CNBD1: variants seen among roughly 807,000 people sequenced by gnomAD.
CNBD1 encodes cyclic nucleotide-binding domain-containing protein 1.
A neutral mutation model predicts 54.4 loss-of-function variants in CNBD1; 71 were observed. The ratio of observed to expected loss-of-function variants is 1.30; its 90% CI spans 1.08 to 1.59. CNBD1 has a LOEUF of 1.59. Ranked by LOEUF, CNBD1 falls within the 40% of genes most tolerant of loss-of-function variation. CNBD1 has a pLI of 0.00. For missense variants in CNBD1, 659 were observed against 518.0 expected, an observed-to-expected ratio of 1.27 and a Z score of -2.64; for synonymous variants, 182 against 170.7, an observed-to-expected ratio of 1.07 and a Z score of -0.51.
chr8:86,892,817 G>A (rs1296634644), intron 2 of CNBD1, among the ~76,000 whole-genome samples: 2 of 152,044 alleles, frequency 1.3e-5, no homozygotes, highest in Non-Finnish European at 2.9e-5. Flanking sequence ...GGATGTTGGT[G>A]AGAACCTTTC....
chr8:87,129,664 A>G lies in CNBD1; in HGVS notation c.432-76329A>G, dbSNP rs567217750. On this transcript the variant is annotated intron_variant, in intron 4 of 10. Coordinates refer to ENST00000518476, the MANE Select transcript of CNBD1 (RefSeq NM_173538.3). ...ATTGGATTTAGACTTTACTTTTTTAATGTAAGCATTTAAAGATATCTATTT... is the reference window on the plus strand; with the variant it reads ...ATTGGATTTAGACTTTACTTTTTTAGTGTAAGCATTTAAAGATATCTATTT... Among the ~76,000 whole-genome samples, 6 of 152,052 alleles carry G rather than the reference A, an allele frequency of 3.9e-5. No individual in the cohort carries two copies. The South Asian group carries it at 1.2e-3, about 32-fold the overall frequency.
chr8:87,133,071 A>G (rs1302776424), intron 4 of CNBD1, among the ~76,000 whole-genome samples: 1 of 150,266 alleles, frequency 6.7e-6, no homozygotes, highest in African/African-American at 2.4e-5. Context: ...ATGATCTTAT[A>G]CTTTTTAGTT....
chr8:87,297,960 ATATATC>A (rs1808911798), intron 8 of CNBD1, among the ~76,000 whole-genome samples: 1 of 151,544 alleles, frequency 6.6e-6, no homozygotes, highest in Non-Finnish European at 1.5e-5. Flanking sequence ...TACATATTCT[ATATATC>A]TATATCTATA....
At chr8:87,171,335 G>A (rs1310924734) in intron 4 of CNBD1, among the ~76,000 whole-genome samples, 1 of 151,892 alleles carries the variant, frequency 6.6e-6, no homozygotes, top group Non-Finnish European at 1.5e-5. Flanking sequence ...AGCCACTACT[G>A]ATGCTTTGAA....
chr8:87,374,871 T>C (rs1810893499), intron 10 of CNBD1, among the ~76,000 whole-genome samples: 1 of 149,978 alleles, frequency 6.7e-6, no homozygotes. Context: ...AAATAAACAT[T>C]TGTTGAATTA....
intron 4 of CNBD1, among the ~76,000 whole-genome samples, chr8:86,977,170 G>A (rs888649776): frequency 6.6e-6 from 1 of 151,918 alleles, no homozygotes. Context: ...TGTCACCTAT[G>A]GCCTTTATAG....
At chr8:87,343,129 A>T (rs1810101249) in intron 8 of CNBD1, among the ~76,000 whole-genome samples, 1 of 152,200 alleles carries the variant, frequency 6.6e-6, no homozygotes. Flanking sequence ...CTGCAAGAAG[A>T]AAAATATGGC....
At chr8:87,405,972 C>A (rs1807645495) in intron 2 of CNBD1, among the ~76,000 whole-genome samples, 1 of 152,096 alleles carries the variant, frequency 6.6e-6, no homozygotes, top group Non-Finnish European at 1.5e-5. Flanking sequence ...CATCCAGTGA[C>A]AAGTTGAAAT....
chr8:86,960,908 C>T (rs1376948252), intron 4 of CNBD1, among the ~76,000 whole-genome samples: 1 of 152,198 alleles, frequency 6.6e-6, no homozygotes, highest in African/African-American at 2.4e-5. Flanking sequence ...TCCAACAGAC[C>T]TGCAGCTCAG....
chr8:86,989,033 G>A (rs1808676751), intron 4 of CNBD1, among the ~76,000 whole-genome samples: 4 of 152,112 alleles, frequency 2.6e-5, no homozygotes. Context: ...ACTTTGGGAG[G>A]CTAAGGTGGT....
chr8:87,031,850 C>G (rs1311030098), intron 4 of CNBD1, among the ~76,000 whole-genome samples: 1 of 152,178 alleles, frequency 6.6e-6, no homozygotes, highest in Non-Finnish European at 1.5e-5. Flanking sequence ...AAGCCATTCT[C>G]TAGCCTCAGC....
intron 2 of CNBD1, among the ~76,000 whole-genome samples, chr8:87,406,479 CTTTT>C (rs1214001647): frequency 3.6e-5 from 3 of 82,718 alleles, no homozygotes; most frequent in African/African-American, 1.6e-4. Flanking sequence ...CACACACACA[CTTTT>C]TTTTTTTTTT....
At chr8:87,281,543 T>TAG (rs1808597838) in intron 6 of CNBD1, among the ~76,000 whole-genome samples, 1 of 252 alleles carries the variant, frequency 4.0e-3, no homozygotes, top group Non-Finnish European at 0.026. Flanking sequence ...TAGGCTAAGA[T>TAG]ATATATATAT....
At chr8:87,378,189 T>C (rs1470463069) in intron 10 of CNBD1, among the ~76,000 whole-genome samples, 1 of 141,812 alleles carries the variant, frequency 7.1e-6, no homozygotes, top group Non-Finnish European at 1.5e-5. Context: ...TGTCTTTTGT[T>C]GCCATTGCTT....
intron 4 of CNBD1, among the ~76,000 whole-genome samples, chr8:87,149,323 A>C (rs1199032819): frequency 6.6e-6 from 1 of 152,188 alleles, no homozygotes; most frequent in Admixed American, 6.5e-5. Context: ...GACTATTGGC[A>C]AGAATTTTTT....
intron 4 of CNBD1, among the ~76,000 whole-genome samples, chr8:87,151,728 CTTAAT>C (rs1479402917): frequency 1.3e-5 from 2 of 151,602 alleles, no homozygotes; most frequent in East Asian, 1.9e-4. Context: ...AATTAACTGT[CTTAAT>C]TTAAGATAAT....
intron 7 of CNBD1, 132 bp downstream of exon 7, chr8:87,284,947 T>G: frequency 1.5e-6 from 1 of 655,726 alleles, no homozygotes; most frequent in Non-Finnish European, 2.4e-6. Flanking sequence ...ACCATAAAAA[T>G]GTTATTTGAC....
intron 4 of CNBD1, among the ~76,000 whole-genome samples, chr8:87,007,812 T>C (rs1191667944): frequency 6.6e-6 from 1 of 152,198 alleles, no homozygotes; most frequent in African/African-American, 2.4e-5. Flanking sequence ...ATTTACTATG[T>C]ATTTATTAAA....
chr8:87,130,932 G>C (rs1812105866), intron 4 of CNBD1, among the ~76,000 whole-genome samples: 1 of 151,450 alleles, frequency 6.6e-6, no homozygotes, highest in Non-Finnish European at 1.5e-5. Context: ...TTTATGTCTT[G>C]TGAAATCACT....
Sources: gnomAD v4.1 joint callset for allele counts (sites outside exome capture counted in the v4.1 genomes callset) on GRCh38, gnomAD v4.1.1 for gene constraint, MANE v1.5 for transcripts, NCBI Gene and HGNC (gene_info 2026-07-23, HGNC 2026-07-21) for gene names.